EPHX1: variants seen among roughly 807,000 people sequenced by gnomAD.
The protein encoded by EPHX1 is epoxide hydratase.
In EPHX1, 40 loss-of-function variants were observed where a neutral mutation model predicts 43.2. The ratio of observed to expected loss-of-function variants is 0.93; its 90% CI spans 0.72 to 1.21. The LOEUF is 1.21. Ranked by LOEUF, EPHX1 falls within the 50% of genes most tolerant of loss-of-function variation. The pLI, the probability that EPHX1 is intolerant of heterozygous loss-of-function variation, is 0.00. For missense variants in EPHX1, 550 were observed against 570.4 expected (o/e 0.96, Z 0.36); for synonymous variants, 221 against 226.7 (o/e 0.98, Z 0.22).
intron 1 of EPHX1, among the ~76,000 whole-genome samples, chr1:225,828,074 C>G (rs1014315212): frequency 3.9e-5 from 6 of 152,094 alleles, no homozygotes; most frequent in Admixed American, 3.3e-4. Flanking sequence ...TGTCGGGCGC[C>G]GTGGCTCACA....
intron 1 of EPHX1, among the ~76,000 whole-genome samples, chr1:225,813,999 A>G (rs1285671980): frequency 6.6e-6 from 1 of 152,188 alleles, no homozygotes; most frequent in African/African-American, 2.4e-5. Flanking sequence ...TGCTGCCTTT[A>G]GCATTTGGGA....
At chr1:225,834,105 A>AG (rs1263403421) in intron 3 of EPHX1, among the ~76,000 whole-genome samples, 1 of 79,048 alleles carries the variant, frequency 1.3e-5, no homozygotes, top group Non-Finnish European at 2.5e-5. Flanking sequence ...CTCAAAAAAA[A>AG]AAAAAAGAAA....
At chr1:225,814,812 G>A (rs1479870992) in intron 1 of EPHX1, among the ~76,000 whole-genome samples, 3 of 152,232 alleles carry the variant, frequency 2.0e-5, no homozygotes, top group African/African-American at 4.8e-5. Flanking sequence ...GTGACTTTCC[G>A]GTCCTACAAA....
intron 1 of EPHX1, among the ~76,000 whole-genome samples, chr1:225,822,460 GA>G (rs1441460633): frequency 2.6e-5 from 4 of 152,134 alleles, no homozygotes; most frequent in Non-Finnish European, 4.4e-5. Context: ...TATATCTCTG[GA>G]ACTTTTGAGG....
chr1:225,810,640 A>C (rs2102667738), intron 1 of EPHX1: 1 of 152,108 alleles, frequency 6.6e-6, no homozygotes, highest in East Asian at 1.9e-4. Flanking sequence ...TGTTTATTTC[A>C]CCTGGGTGCA....
At chr1:225,832,170 A>G (rs1266608897) in intron 3 of EPHX1, 3 of 596,884 alleles carry the variant, frequency 5.0e-6, no homozygotes, top group Non-Finnish European at 9.0e-6. Flanking sequence ...GAACACATAC[A>G]TGCAATTTAA....
At chr1:225,840,752 C>G (rs1466446765) in intron 6 of EPHX1, 1 of 154,414 alleles carries the variant, frequency 6.5e-6, no homozygotes, top group African/African-American at 2.4e-5. Flanking sequence ...TGTAGCATCA[C>G]GTCAGTCCGG....
At chr1:225,815,559 G>A (rs1240236487) in intron 1 of EPHX1, among the ~76,000 whole-genome samples, 3 of 152,032 alleles carry the variant, frequency 2.0e-5, no homozygotes, top group Non-Finnish European at 4.4e-5. Context: ...GGTCGAGATG[G>A]AACATCTTAA....
intron 3 of EPHX1, among the ~76,000 whole-genome samples, chr1:225,837,337 C>T (rs1425327938): frequency 6.6e-6 from 1 of 152,322 alleles, no homozygotes; most frequent in Non-Finnish European, 1.5e-5. Flanking sequence ...GCATGGCAGC[C>T]GCCCTCACTG....
At chr1:225,840,137 AG>A in intron 6 of EPHX1, 100 bp downstream of exon 6, 4 of 1,141,916 alleles carry the variant, frequency 3.5e-6, no homozygotes, top group Admixed American at 1.9e-5. Flanking sequence ...TGCCCACAGA[AG>A]GAAGCCTCTT....
chr1:225,823,545 G>A (rs1050433810), intron 1 of EPHX1, among the ~76,000 whole-genome samples: 1 of 152,044 alleles, frequency 6.6e-6, no homozygotes, highest in Non-Finnish European at 1.5e-5. Flanking sequence ...TGGACTCGAG[G>A]CTGCTGAGTT....
chr1:225,818,727 A>G (rs1243890940), intron 1 of EPHX1, among the ~76,000 whole-genome samples: 1 of 152,122 alleles, frequency 6.6e-6, no homozygotes, highest in Non-Finnish European at 1.5e-5. Flanking sequence ...TGAAGGCCAC[A>G]CTAACCCAAG....
At position 225,828,772 on chromosome 1, in the gene EPHX1, A is replaced by C. The variant is rs900304435; in HGVS notation, c.43A>C (p.Ile15Leu). 3.1e-6 allele frequency: 5 copies of C among 1,613,492 alleles called. No homozygotes were observed. The South Asian group carries it at 3.3e-5, about 11-fold the overall frequency. Residue 15 changes from isoleucine to leucine, a missense_variant, in exon 2 of 9, where the codon ATC becomes CTC. Ile to Leu is a conservative substitution (Grantham distance 5). Coordinates refer to ENST00000272167, the MANE Select transcript of EPHX1 (RefSeq NM_001136018.4). ...CCTCACTTCAGTGCTGGGCTTTGCCATCTACTGGTTCATCTCCCGGGACAA... is the reference window on the plus strand; with the variant it reads ...CCTCACTTCAGTGCTGGGCTTTGCCCTCTACTGGTTCATCTCCCGGGACAA... ...ILLTSVLGFAIYWFISRDKEE... is the reference protein window; with the variant it reads ...ILLTSVLGFALYWFISRDKEE...
intron 3 of EPHX1, among the ~76,000 whole-genome samples, chr1:225,833,111 G>T (rs1426527944): frequency 6.6e-6 from 1 of 152,152 alleles, no homozygotes; most frequent in African/African-American, 2.4e-5. Flanking sequence ...TCTCGCCTCA[G>T]ACCTCCTGAA....
intron 4 of EPHX1, 56 bp from the exon 5 acceptor site, chr1:225,839,161 C>T: frequency 1.2e-6 from 2 of 1,612,722 alleles, no homozygotes; most frequent in Non-Finnish European, 1.7e-6. Flanking sequence ...CCAGAGGGCC[C>T]AAGGAGCAAT....
In EPHX1 at chr1:225,845,176, T is replaced by C. The variant is rs780566723; in HGVS notation, c.1197T>C (p.Ser399=). ...AGGTCTATGTGCCCACTGGCTTCTC[T>C]GCCTTCCCTTTTGAGCTATTGCACA... ...RMKVYVPTGF[S]AFPFELLHTP... Residue 399 remains serine, a synonymous_variant, in exon 9 of 9, where the codon TCT becomes TCC. Coordinates refer to ENST00000272167, the MANE Select transcript of EPHX1 (RefSeq NM_001136018.4). 1.9e-6 allele frequency: 3 copies of C among 1,614,160 alleles called. No individual in the cohort carries two copies. The highest frequency in any genetic ancestry group is 2.5e-6 in the Non-Finnish European group (3 of 1,180,022).
chr1:225,839,399 G>T, intron 5 of EPHX1, 53 bp downstream of exon 5: 1 of 1,584,928 alleles, frequency 6.3e-7, no homozygotes, highest in East Asian at 2.2e-5. Context: ...GTGTGTGTGT[G>T]TGTCCTCTAA....
Position 225,817,197 on chromosome 1 carries a change from T to C in EPHX1, c.-6+7028T>C, listed in dbSNP as rs1305046058. ...TCCATCCTGAGTCTCCAGGGGTCCC[T>C]GGGGTTCAGGGACAATGGCTGAGGG... On this transcript the variant is annotated intron_variant, in intron 1 of 8. Coordinates refer to ENST00000272167, the MANE Select transcript of EPHX1 (RefSeq NM_001136018.4). This position sits in a 1 kb window ranked among gnomAD's most constrained non-coding sequence, Gnocchi z 5.7. Among the ~76,000 whole-genome samples, 1 of 152,144 alleles carries C rather than the reference T, an allele frequency of 6.6e-6. No individual in the cohort carries two copies. The highest frequency in any genetic ancestry group is 2.4e-5 in the African/African-American group (1 of 41,438).
chr1:225,831,657 G>A (rs916666159), intron 2 of EPHX1, 122 bp from the exon 3 acceptor site: 5 of 923,296 alleles, frequency 5.4e-6, no homozygotes, highest in African/African-American at 3.3e-5. Flanking sequence ...AAACTGCCTT[G>A]CCACTCCCAG....
Sources: gnomAD v4.1 joint callset for allele counts (sites outside exome capture counted in the v4.1 genomes callset) on GRCh38, gnomAD v4.1.1 for gene constraint, Gnocchi (gnomAD v3.1) non-coding constraint, MANE v1.5 for transcripts, NCBI Gene and HGNC (gene_info 2026-07-23, HGNC 2026-07-21) for gene names.